Variants in CHLSN observed in about 807,000 individuals in gnomAD.
CHLSN encodes the protein protein cholesin.
At chr7:987,406 G>A in the CHLSN span, 5 of 1,594,906 alleles carry the variant, frequency 3.1e-6, no homozygotes, top group South Asian at 1.1e-5. Flanking sequence ...CCGGCTGGAG[G>A]ACCAGCAGGC....
the CHLSN span, chr7:984,852 C>T: frequency 6.8e-7 from 1 of 1,460,580 alleles, no homozygotes; most frequent in South Asian, 1.3e-5. Context: ...CCCAGCCAGT[C>T]TCGCTGCCCT....
chr7:1,036,952 A>G, the CHLSN span, among the ~76,000 whole-genome samples: 1 of 147,364 alleles, frequency 6.8e-6, no homozygotes, highest in Admixed American at 6.8e-5. Context: ...TCTACTAAAA[A>G]TAAAAAAAAT....
the CHLSN span, among the ~76,000 whole-genome samples, chr7:1,050,564 C>T: frequency 5.3e-5 from 8 of 152,350 alleles, no homozygotes; most frequent in South Asian, 1.0e-3. Flanking sequence ...CTGCAAGTGG[C>T]GTCCCTGCAC....
At chr7:1,094,580 T>A in the CHLSN span, among the ~76,000 whole-genome samples, 1 of 152,050 alleles carries the variant, frequency 6.6e-6, no homozygotes, top group African/African-American at 2.4e-5. Flanking sequence ...TCCAGGAAAC[T>A]CTCTCCTCCT....
At chr7:1,023,134 G>A in the CHLSN span, 4 of 387,594 alleles carry the variant, frequency 1.0e-5, no homozygotes, top group South Asian at 5.2e-5. The surrounding 1 kb of genome is among the most constrained non-coding windows in gnomAD (Gnocchi z 5.0). Flanking sequence ...CTTCTCAGAA[G>A]GACGTTTTAA....
At chr7:1,136,329 TAA>T in the CHLSN span, among the ~76,000 whole-genome samples, 4 of 101,354 alleles carry the variant, frequency 3.9e-5, no homozygotes, top group African/African-American at 4.6e-5. Context: ...CATAAATATA[TAA>T]ATATATAAAC....
the CHLSN span, among the ~76,000 whole-genome samples, chr7:1,080,330 C>T: frequency 6.6e-5 from 10 of 152,360 alleles, no homozygotes; most frequent in South Asian, 4.1e-4. Context: ...GGACACAGAC[C>T]GCGGCACAGC....
chr7:1,116,811 AG>A, the CHLSN span, among the ~76,000 whole-genome samples: 7 of 58,004 alleles, frequency 1.2e-4, no homozygotes, highest in Non-Finnish European at 2.0e-4. Flanking sequence ...CTACAGATCT[AG>A]GGACCGGCTT....
the CHLSN span, among the ~76,000 whole-genome samples, chr7:1,114,766 G>A: frequency 6.6e-6 from 1 of 152,264 alleles, no homozygotes; most frequent in South Asian, 2.1e-4. Flanking sequence ...GCTCAGAAAC[G>A]AGGGTGGCCC....
chr7:1,028,817 GCCC>G, the CHLSN span: 56 of 747,924 alleles, frequency 7.5e-5, no homozygotes, highest in Non-Finnish European at 8.6e-5. Flanking sequence ...TGACTCCATG[GCCC>G]CCATCTCCTC....
chr7:984,862 T>A, the CHLSN span: 1 of 1,486,470 alleles, frequency 6.7e-7, no homozygotes, highest in East Asian at 2.3e-5. Flanking sequence ...CTCGCTGCCC[T>A]GTCAGCCTGC....
At chr7:1,110,445 G>T in the CHLSN span, among the ~76,000 whole-genome samples, 4 of 152,218 alleles carry the variant, frequency 2.6e-5, no homozygotes, top group Non-Finnish European at 5.9e-5. Context: ...CAAATCTAAC[G>T]GAGGCTGGGA....
chr7:1,093,796 C>A, the CHLSN span: 1 of 419,884 alleles, frequency 2.4e-6, no homozygotes, highest in Non-Finnish European at 5.0e-6. Context: ...TGTCAATAAA[C>A]CTGTCATGTG....
chr7:1,092,010 C>G, the CHLSN span: 18 of 1,614,066 alleles, frequency 1.1e-5, no homozygotes, highest in African/African-American at 2.7e-5. Flanking sequence ...TGACCATCCC[C>G]GACCTGTACT....
At chr7:1,118,823 A>G in the CHLSN span, among the ~76,000 whole-genome samples, 21 of 144,824 alleles carry the variant, frequency 1.5e-4, no homozygotes, top group African/African-American at 5.4e-4. Flanking sequence ...AAAAAAAAAA[A>G]GAGGTACTTA....
the CHLSN span, among the ~76,000 whole-genome samples, chr7:1,041,449 G>C: frequency 3.3e-5 from 5 of 152,154 alleles, no homozygotes; most frequent in Non-Finnish European, 7.4e-5. Context: ...GGGGACCTGG[G>C]CTCTGCCCAG....
At chr7:982,604 C>T in the CHLSN span, among the ~76,000 whole-genome samples, 101 of 152,372 alleles carry the variant, frequency 6.6e-4, no homozygotes, top group African/African-American at 2.3e-3. Flanking sequence ...CTACCTGGGG[C>T]GAGAACACCC....
the CHLSN span, among the ~76,000 whole-genome samples, chr7:1,125,981 A>T: frequency 6.6e-6 from 1 of 152,210 alleles, no homozygotes; most frequent in Non-Finnish European, 1.5e-5. Flanking sequence ...TGGGTCAAAA[A>T]ATTTTTTATA....
the CHLSN span, among the ~76,000 whole-genome samples, chr7:1,070,140 C>A: frequency 2.4e-3 from 225 of 95,574 alleles, no homozygotes; most frequent in African/African-American, 9.0e-3. Context: ...AGTGAGGAGC[C>A]CCTCCGCCCG....
Sources: gnomAD v4.1 joint callset for allele counts (sites outside exome capture counted in the v4.1 genomes callset) on GRCh38, gnomAD v4.1.1 for gene constraint, Gnocchi (gnomAD v3.1) non-coding constraint, MANE v1.5 for transcripts, NCBI Gene and HGNC (gene_info 2026-07-23, HGNC 2026-07-21) for gene names.